DPP6: variants seen among roughly 807,000 people sequenced by gnomAD.
DPP6 encodes the protein dipeptidyl peptidase like 6, also known as A-type potassium channel modulatory protein DPP6.
In DPP6, 69 loss-of-function variants were observed where a neutral mutation model predicts 122.6. The observed-to-expected ratio is 0.56, with a 90% CI of 0.46 to 0.69. The LOEUF is 0.69. Ranked by LOEUF, DPP6 falls within the 30% of genes least tolerant of loss-of-function variation. DPP6 has a pLI of 0.00. For synonymous variants in DPP6, 418 were observed against 433.1 expected, an observed-to-expected ratio of 0.97 and a Z score of 0.43; for missense variants, 928 against 1,116.9, an observed-to-expected ratio of 0.83 and a Z score of 2.41.
intron 1 of DPP6, among the ~76,000 whole-genome samples, chr7:153,965,023 CCTTCCTTCCTTT>C (rs1369195142): frequency 7.1e-5 from 8 of 112,196 alleles, no homozygotes; most frequent in Non-Finnish European, 1.3e-4. Context: ...TTCCTTCCTT[CCTTCCTTCCTTT>C]CTTTCTCTCA....
chr7:153,925,231 A>G (rs1012437240), intron 1 of DPP6, among the ~76,000 whole-genome samples: 2 of 152,238 alleles, frequency 1.3e-5, no homozygotes, highest in African/African-American at 4.8e-5. Flanking sequence ...GGTCCCCAAG[A>G]TTCTGATGAA....
chr7:153,967,829 T>G (rs1435192560), intron 1 of DPP6, among the ~76,000 whole-genome samples: 9 of 151,946 alleles, frequency 5.9e-5, no homozygotes, highest in Non-Finnish European at 4.4e-5. Context: ...TTTAAAGATA[T>G]AGATAGAGGA....
At chr7:154,273,910 G>A (rs1174066170) in intron 1 of DPP6, among the ~76,000 whole-genome samples, 4 of 152,326 alleles carry the variant, frequency 2.6e-5, no homozygotes, top group Non-Finnish European at 5.9e-5. Flanking sequence ...CAGGTGCAGA[G>A]TGTGAAAGCA....
intron 3 of DPP6, among the ~76,000 whole-genome samples, chr7:154,537,157 A>C (rs140504463): frequency 6.3e-4 from 96 of 152,294 alleles, no homozygotes; most frequent in Non-Finnish European, 1.1e-3. Context: ...ACATAAAACT[A>C]ATGAATATTT....
chr7:154,715,155 C>T lies in DPP6; in HGVS notation c.763-12612C>T, dbSNP rs1841411365. Among the ~76,000 whole-genome samples the T allele has an allele frequency of 3.9e-5, 6 of 152,312 alleles. No individual in the cohort carries two copies. The South Asian group carries it at 1.2e-3, about 32-fold the overall frequency. ...GGTCTCAACTCACTGCAACCTCTGC[C>T]TCCCAGGTTCAAGTGAATCTCCTGC... On this transcript the variant is annotated intron_variant, in intron 7 of 25. Transcript: ENST00000377770.
At chr7:154,509,058 A>G (rs1825866429) in intron 3 of DPP6, among the ~76,000 whole-genome samples, 1 of 152,212 alleles carries the variant, frequency 6.6e-6, no homozygotes, top group Admixed American at 6.5e-5. Flanking sequence ...ATAAAGCTTT[A>G]TAACTTTGGA....
intron 1 of DPP6, among the ~76,000 whole-genome samples, chr7:153,993,402 G>A (rs1344010923): frequency 1.3e-5 from 2 of 152,216 alleles, no homozygotes; most frequent in South Asian, 2.1e-4. Flanking sequence ...AAAATATAGT[G>A]TGAGAATGAT....
At chr7:154,102,839 A>G (rs1457209420) in intron 1 of DPP6, among the ~76,000 whole-genome samples, 3 of 152,188 alleles carry the variant, frequency 2.0e-5, no homozygotes, top group Admixed American at 6.5e-5. Context: ...CATGCACACT[A>G]TAGTTCTCTA....
intron 1 of DPP6, among the ~76,000 whole-genome samples, chr7:154,438,469 CAAAAAAAAAAAAAAAAAAA>C (rs58978160): frequency 2.7e-5 from 1 of 37,464 alleles, no homozygotes. Flanking sequence ...GACTCCAACT[CAAAAAAAAAAAAAAAAAAA>C]AAAAAAAAAG....
At chr7:154,825,458 T>C (rs1012726877) in intron 16 of DPP6, among the ~76,000 whole-genome samples, 1 of 152,236 alleles carries the variant, frequency 6.6e-6, no homozygotes, top group Non-Finnish European at 1.5e-5. Context: ...TATTTGTCAC[T>C]TATTCTACCA....
intron 1 of DPP6, among the ~76,000 whole-genome samples, chr7:154,354,049 G>A (rs1196354944): frequency 6.6e-6 from 1 of 152,188 alleles, no homozygotes; most frequent in Non-Finnish European, 1.5e-5. Flanking sequence ...AGGGGATTAA[G>A]AGCAACAGGC....
the DPP6 span, among the ~76,000 whole-genome samples, chr7:153,786,740 G>GGAAAAAAAAAA: frequency 3.1e-5 from 1 of 31,780 alleles, no homozygotes; most frequent in African/African-American, 1.0e-4. Flanking sequence ...CTCCGTCTCA[G>GGAAAAAAAAAA]AAAAAAAAAA....
intron 1 of DPP6, among the ~76,000 whole-genome samples, chr7:154,274,458 A>G (rs144933811): frequency 5.4e-4 from 82 of 152,274 alleles, no homozygotes; most frequent in Middle Eastern, 3.4e-3. Flanking sequence ...GCTCAGATCC[A>G]TACACCCGCC....
intron 1 of DPP6, among the ~76,000 whole-genome samples, chr7:154,176,671 A>G (rs1394509014): frequency 6.6e-6 from 1 of 152,148 alleles, no homozygotes; most frequent in Non-Finnish European, 1.5e-5. Context: ...TGGACTCTCC[A>G]ATGCGCTGGG....
intron 1 of DPP6, among the ~76,000 whole-genome samples, chr7:154,387,045 G>A (rs908477778): frequency 6.6e-6 from 1 of 152,166 alleles, no homozygotes; most frequent in African/African-American, 2.4e-5. Context: ...AGGACAGCAT[G>A]TGGACCTGGA....
At chr7:154,783,440 A>G (rs1563205881) in intron 10 of DPP6, among the ~76,000 whole-genome samples, 1 of 152,142 alleles carries the variant, frequency 6.6e-6, no homozygotes, top group African/African-American at 2.4e-5. Context: ...TGCAGACACC[A>G]ACAGGTTTAC....
rs146458739 is a variant in DPP6, at chr7:154,865,002, C to T, written c.1715-2993C>T. On this transcript the variant is annotated intron_variant, in intron 17 of 25. Transcript: ENST00000377770. ...ACCAGCATTTGAGATCGCACACTGA[C>T]GGCTGAAACATCAAATTCACATGCA... 4.9e-3 allele frequency among the ~76,000 whole-genome samples: 740 copies of T among 152,312 alleles called. 4 individuals carry two copies. Among genetic ancestry groups the T allele is most frequent in the Non-Finnish European group, 7.6e-3 (514 of 68,036 alleles).
chr7:154,704,832 T>C (rs1416167971), intron 7 of DPP6, among the ~76,000 whole-genome samples: 2 of 152,258 alleles, frequency 1.3e-5, no homozygotes. Context: ...TATTGTGATA[T>C]TCACTTTATT....
chr7:154,856,626 C>A (rs1802853908), intron 17 of DPP6, among the ~76,000 whole-genome samples: 1 of 152,212 alleles, frequency 6.6e-6, no homozygotes, highest in South Asian at 2.1e-4. Flanking sequence ...GGAAACAAAA[C>A]AACCACTTCT....
Sources: gnomAD v4.1 joint callset for allele counts (sites outside exome capture counted in the v4.1 genomes callset) on GRCh38, gnomAD v4.1.1 for gene constraint, MANE v1.5 for transcripts, NCBI Gene and HGNC (gene_info 2026-07-23, HGNC 2026-07-21) for gene names.